The following FGF12 variants were observed in gnomAD, a reference collection of about 807,000 sequenced individuals.
The protein encoded by FGF12 is fibroblast growth factor 12.
FGF12 carries 14 observed loss-of-function variants against 23.6 expected under a neutral mutation model. The observed-to-expected ratio is 0.59, with a 90% CI of 0.39 to 0.93. The LOEUF is 0.93. Ranked by LOEUF, FGF12 falls within the 40% of genes least tolerant of loss-of-function variation. FGF12 has a pLI of 0.00. For synonymous variants in FGF12, 62 were observed against 77.3 expected (o/e 0.80, Z 1.04); for missense variants, 175 against 217.8 (o/e 0.80, Z 1.24).
chr3:192,166,893 C>CA (rs1715190695), intron 5 of FGF12, among the ~76,000 whole-genome samples: 1 of 150,992 alleles, frequency 6.6e-6, no homozygotes, highest in Non-Finnish European at 1.5e-5. Context: ...CCTAGAGAGA[C>CA]AAAAATCCTT....
At chr3:192,288,161 A>G (rs953085505) in intron 4 of FGF12, among the ~76,000 whole-genome samples, 2 of 152,120 alleles carry the variant, frequency 1.3e-5, no homozygotes, top group Non-Finnish European at 2.9e-5. Context: ...ATGTGTGGGC[A>G]GGGAAAAACT....
intron 4 of FGF12, among the ~76,000 whole-genome samples, chr3:192,287,273 C>A (rs533250672): frequency 6.6e-6 from 1 of 152,132 alleles, no homozygotes; most frequent in African/African-American, 2.4e-5. Context: ...CAATTCACTG[C>A]TGGATATATT....
intron 2 of FGF12, among the ~76,000 whole-genome samples, chr3:192,527,078 G>A (rs1211627822): frequency 6.6e-6 from 1 of 152,086 alleles, no homozygotes; most frequent in African/African-American, 2.4e-5. Context: ...TTGGAGGTGG[G>A]GCCTTTGGGA....
At chr3:192,163,567 A>T (rs1280859131) in intron 5 of FGF12, among the ~76,000 whole-genome samples, 1 of 152,094 alleles carries the variant, frequency 6.6e-6, no homozygotes, top group Non-Finnish European at 1.5e-5. Context: ...CTGCATCTCA[A>T]ACTCAATGCC....
In FGF12 at chr3:192,143,729, T is replaced by G; in HGVS notation, c.*280A>C. 1 of 324,490 alleles carries G rather than the reference T, an allele frequency of 3.1e-6. No individual in the cohort carries two copies. The allele number at this position is 324,490 out of a possible 1,614,324, so 20.1% of individuals were successfully genotyped here. A position where few individuals can be genotyped will look rare whatever the true frequency, so the allele number is the denominator to read the frequency against. On this transcript the variant is annotated 3_prime_UTR_variant, in exon 6 of 6. Transcript: ENST00000445105. Reference sequence around the variant, plus strand: ...AGCCTTCTACTAATAACAATACAGTTTAATTTAATATTTATGGAGTTCTGA... The same window carrying G: ...AGCCTTCTACTAATAACAATACAGTGTAATTTAATATTTATGGAGTTCTGA...
At chr3:192,255,606 C>G (rs911293539) in intron 4 of FGF12, among the ~76,000 whole-genome samples, 4 of 151,992 alleles carry the variant, frequency 2.6e-5, no homozygotes, top group African/African-American at 9.7e-5. Context: ...TAAGCACAAC[C>G]TAATCCTCTA....
At chr3:192,369,591 C>A (rs897301987) in intron 2 of FGF12, among the ~76,000 whole-genome samples, 13 of 152,178 alleles carry the variant, frequency 8.5e-5, no homozygotes, top group African/African-American at 2.9e-4. Flanking sequence ...ATGTGAAATG[C>A]CAATAGGGAC....
At chr3:192,638,165 T>C (rs867616470) in intron 2 of FGF12, among the ~76,000 whole-genome samples, 1 of 152,298 alleles carries the variant, frequency 6.6e-6, no homozygotes, top group Middle Eastern at 3.4e-3. Flanking sequence ...CAGAGTAACT[T>C]AGGGCCTGTC....
chr3:192,490,439 G>A (rs1191708080), intron 2 of FGF12, among the ~76,000 whole-genome samples: 1 of 151,762 alleles, frequency 6.6e-6, no homozygotes, highest in African/African-American at 2.4e-5. Context: ...TGTGTGTATG[G>A]ATATTGTATA....
intron 5 of FGF12, among the ~76,000 whole-genome samples, chr3:192,144,834 T>C (rs1203602252): frequency 6.6e-6 from 1 of 152,196 alleles, no homozygotes; most frequent in African/African-American, 2.4e-5. Flanking sequence ...CCTAGATAAT[T>C]GTTTAGAAAG....
chr3:192,597,648 T>G (rs1577071875), intron 2 of FGF12, among the ~76,000 whole-genome samples: 1 of 152,142 alleles, frequency 6.6e-6, no homozygotes, highest in East Asian at 1.9e-4. Flanking sequence ...AGTGGCTGTG[T>G]TGACTGAGAA....
intron 2 of FGF12, among the ~76,000 whole-genome samples, chr3:192,420,941 T>C (rs1045643217): frequency 1.3e-5 from 2 of 152,030 alleles, no homozygotes; most frequent in African/African-American, 4.8e-5. Flanking sequence ...TCAAAACCAA[T>C]TGGAGAAAAC....
At chr3:192,435,631 T>G (rs1722001001) in intron 2 of FGF12, among the ~76,000 whole-genome samples, 1 of 152,224 alleles carries the variant, frequency 6.6e-6, no homozygotes, top group South Asian at 2.1e-4. Flanking sequence ...CCTCTGTACC[T>G]AGTAACTTCC....
At chr3:192,624,867 C>T (rs1389422275) in intron 2 of FGF12, among the ~76,000 whole-genome samples, 3 of 152,060 alleles carry the variant, frequency 2.0e-5, no homozygotes, top group Admixed American at 6.6e-5. Flanking sequence ...AGTACCCTTC[C>T]ATAGAGCAGC....
intron 2 of FGF12, among the ~76,000 whole-genome samples, chr3:192,524,499 G>A (rs1724896182): frequency 6.6e-6 from 1 of 152,176 alleles, no homozygotes; most frequent in South Asian, 2.1e-4. Flanking sequence ...TTGTGGGAAA[G>A]GAGGAGAAAA....
chr3:192,457,762 T>G (rs1329278900), intron 2 of FGF12, among the ~76,000 whole-genome samples: 1 of 152,076 alleles, frequency 6.6e-6, no homozygotes, highest in East Asian at 1.9e-4. Context: ...CTGCAGAAAT[T>G]TGAATAAGTA....
chr3:192,195,470 A>G (rs1717017915), intron 4 of FGF12, among the ~76,000 whole-genome samples: 1 of 152,212 alleles, frequency 6.6e-6, no homozygotes, highest in African/African-American at 2.4e-5. Context: ...GTTTAGATAC[A>G]AAAACACTTA....
At chr3:192,158,529 T>A (rs1714649522) in intron 5 of FGF12, among the ~76,000 whole-genome samples, 1 of 142,600 alleles carries the variant, frequency 7.0e-6, no homozygotes, top group South Asian at 2.4e-4. Flanking sequence ...TTTCCTTCCC[T>A]CCCTTCCTCC....
At chr3:192,669,602 TAAAAAAAAAAAA>T (rs59897483) in intron 2 of FGF12, among the ~76,000 whole-genome samples, 8 of 59,530 alleles carry the variant, frequency 1.3e-4, no homozygotes, top group African/African-American at 1.9e-4. Context: ...GACTCTGTCT[TAAAAAAAAAAAA>T]AAAAAAAAAA....
Sources: gnomAD v4.1 joint callset for allele counts (sites outside exome capture counted in the v4.1 genomes callset) on GRCh38, gnomAD v4.1.1 for gene constraint, MANE v1.5 for transcripts, NCBI Gene and HGNC (gene_info 2026-07-23, HGNC 2026-07-21) for gene names.